KIFBP: variants seen among roughly 807,000 people sequenced by gnomAD.
The protein encoded by KIFBP is KIF-binding protein.
KIFBP carries 46 observed loss-of-function variants against 58.9 expected under a neutral mutation model. The observed-to-expected ratio is 0.78, with a 90% CI of 0.62 to 1.00. The LOEUF is 1.00. Ranked by LOEUF, KIFBP falls within the 50% of genes least tolerant of loss-of-function variation. The probability of loss-of-function intolerance (pLI) is 0.00; values close to 1 mark genes in which losing one functional copy is unlikely to be tolerated. For missense variants in KIFBP, 651 were observed against 752.9 expected, an observed-to-expected ratio of 0.86 and a Z score of 1.58; for synonymous variants, 241 against 283.4, an observed-to-expected ratio of 0.85 and a Z score of 1.50.
intron 2 of KIFBP, among the ~76,000 whole-genome samples, chr10:69,000,783 C>T (rs1843458489): frequency 6.6e-6 from 1 of 152,186 alleles, no homozygotes; most frequent in Non-Finnish European, 1.5e-5. Context: ...TAGTGTTATC[C>T]TAAAATACTA....
chr10:68,991,003 G>C (rs1843338241), intron 1 of KIFBP: 1 of 152,178 alleles, frequency 6.6e-6, no homozygotes. Context: ...GGATGTGGTG[G>C]CTCACACTTG....
At chr10:68,991,391 G>A (rs1404108589) in intron 1 of KIFBP, 2 of 333,172 alleles carry the variant, frequency 6.0e-6, no homozygotes, top group Non-Finnish European at 1.3e-5. Context: ...CAAGTTTCTG[G>A]ATATTGCAAG....
intron 5 of KIFBP, among the ~76,000 whole-genome samples, chr10:69,010,502 A>G (rs769502803): frequency 2.0e-5 from 3 of 152,220 alleles, no homozygotes; most frequent in Non-Finnish European, 2.9e-5. Context: ...ATAGTTTAGC[A>G]CCAGGTTCTC....
At chr10:68,992,648 GTT>G (rs1199655253) in intron 1 of KIFBP, among the ~76,000 whole-genome samples, 2 of 152,134 alleles carry the variant, frequency 1.3e-5, no homozygotes, top group African/African-American at 2.4e-5. Flanking sequence ...TTTGGGGTAA[GTT>G]TATATTTTGT....
chr10:69,003,559 C>G (rs1471756101), intron 2 of KIFBP, among the ~76,000 whole-genome samples: 1 of 152,138 alleles, frequency 6.6e-6, no homozygotes, highest in Non-Finnish European at 1.5e-5. Flanking sequence ...TTAGGTAGTT[C>G]TGTTTTGGAA....
chr10:69,016,364 G>A lies in KIFBP; in HGVS notation c.1814G>A (p.Ser605Asn), dbSNP rs761910393. 6 of 1,614,138 alleles carry A rather than the reference G, an allele frequency of 3.7e-6. No individual in the cohort carries two copies. In the South Asian group the frequency reaches 6.6e-5, roughly 18 times the overall value. The change falls in exon 7 of 7, where the codon AGT (serine) becomes AAT (asparagine). Residue 605 changes from serine to asparagine, a missense_variant. By Grantham distance (46) the Ser-to-Asn change is conservative. Transcript: ENST00000361983. ...CTAGAACTTAGTAAAGAGATGGTTA[G>A]TCTTCTCCCAACAAAAATGGAGAGA... is the stretch of plus-strand genomic sequence containing the variant. Reference protein sequence around the residue: ...VELELSKEMVSLLPTKMERFR... With the variant: ...VELELSKEMVNLLPTKMERFR...
rs1437122309 is a variant in KIFBP, at chr10:69,010,967, G to C, written c.942G>C (p.Trp314Cys). 1 of 1,614,110 alleles carries C rather than the reference G, an allele frequency of 6.2e-7. No individual in the cohort carries two copies. The highest frequency in any genetic ancestry group is 1.3e-5 in the African/African-American group (1 of 75,046). ...GAAAGGGGGAAATAGCAAGGTGCTG[G>C]ATCAAATACTGTTTGACTCTCATGC... ...HQRKGEIARCWIKYCLTLMQN... is the reference protein window; with the variant it reads ...HQRKGEIARCCIKYCLTLMQN... Residue 314 changes from tryptophan (W) to cysteine (C), a missense_variant, in exon 6 of 7, where the codon TGG (tryptophan) becomes TGC (cysteine). Physicochemically the swap from Trp to Cys is radical, Grantham distance 215 (BLOSUM62 -2). Transcript: ENST00000361983.
chr10:69,015,659 T>G lies in KIFBP; in HGVS notation c.1109T>G (p.Leu370Arg). 1 of 1,614,218 alleles carries G rather than the reference T, an allele frequency of 6.2e-7. No individual in the cohort carries two copies. The highest frequency in any genetic ancestry group is 8.5e-7 in the Non-Finnish European group (1 of 1,180,042). The change falls in exon 7 of 7, where the codon CTG becomes CGG. Residue 370 changes from leucine (L) to arginine (R), a missense_variant. Coordinates refer to ENST00000361983, the MANE Select transcript of KIFBP (RefSeq NM_015634.4). ...GCTGTGCAGTTTGGAACCGGTGAACTGTGTGATGCCATCTCTGCAGTAGAA... is the reference window on the plus strand; with the variant it reads ...GCTGTGCAGTTTGGAACCGGTGAACGGTGTGATGCCATCTCTGCAGTAGAA... ...KKAVQFGTGE[L>R]CDAISAVEEK...
At chr10:69,008,782 A>G in intron 4 of KIFBP, 59 bp from the exon 5 acceptor site, 1 of 1,249,362 alleles carries the variant, frequency 8.0e-7, no homozygotes, top group Non-Finnish European at 1.2e-6. Flanking sequence ...TTATGCAAGT[A>G]TCAGTTGCAA....
At chr10:69,013,465 T>G (rs963705351) in intron 6 of KIFBP, among the ~76,000 whole-genome samples, 1 of 151,980 alleles carries the variant, frequency 6.6e-6, no homozygotes, top group African/African-American at 2.4e-5. Flanking sequence ...TAAAGAAAGC[T>G]GGAAAAGGAG....
intron 1 of KIFBP, among the ~76,000 whole-genome samples, chr10:68,992,163 T>G (rs1291102174): frequency 6.6e-6 from 1 of 151,998 alleles, no homozygotes; most frequent in Non-Finnish European, 1.5e-5. Context: ...CCAGCTAATT[T>G]TTGTATTTTT....
intron 3 of KIFBP, 52 bp downstream of exon 3, chr10:69,005,177 T>C (rs1324766131): frequency 1.5e-6 from 2 of 1,306,002 alleles, no homozygotes; most frequent in East Asian, 2.3e-5. Flanking sequence ...TATCATAGAT[T>C]AGTGATTGTT....
intron 1 of KIFBP, among the ~76,000 whole-genome samples, chr10:68,996,577 G>A (rs1034448260): frequency 1.3e-5 from 2 of 149,612 alleles, no homozygotes; most frequent in Non-Finnish European, 3.0e-5. Flanking sequence ...AATAGGCTGG[G>A]CATGGTGGCT....
chr10:69,009,023 C>T, intron 5 of KIFBP, 98 bp downstream of exon 5: 1 of 909,174 alleles, frequency 1.1e-6, no homozygotes, highest in African/African-American at 1.7e-5. Flanking sequence ...GAAGAGCTAT[C>T]ATATGCCCTT....
intron 1 of KIFBP, among the ~76,000 whole-genome samples, chr10:68,992,410 C>T (rs1216554102): frequency 6.6e-6 from 1 of 152,134 alleles, no homozygotes; most frequent in Non-Finnish European, 1.5e-5. Flanking sequence ...TGGTTGTAGG[C>T]ATTTTATAAT....
intron 1 of KIFBP, 78 bp downstream of exon 1, chr10:68,989,336 G>A: frequency 1.3e-6 from 2 of 1,512,632 alleles, no homozygotes; most frequent in Non-Finnish European, 9.0e-7. Flanking sequence ...AAGGCCAAGG[G>A]CAGACGTTGT....
rs775700337 is a variant in KIFBP at position 69,016,351 on chromosome 10, A to G, written c.1801A>G (p.Lys601Glu). 6.2e-7 allele frequency: 1 copy of G among 1,613,782 alleles called. No individual in the cohort carries two copies. Among genetic ancestry groups the G allele is most frequent in the South Asian group, 1.1e-5 (1 of 91,066 alleles). Residue 601 changes from lysine to glutamate, a missense_variant, in exon 7 of 7, where the codon AAA becomes GAA. Coordinates refer to ENST00000361983, the MANE Select transcript of KIFBP (RefSeq NM_015634.4). ...AATAGAAGTTGAGCTAGAACTTAGT[A>G]AAGAGATGGTTAGTCTTCTCCCAAC... ...QEIEVELELS[K>E]EMVSLLPTKM...
chr10:68,997,924 G>T (rs1402577031), intron 1 of KIFBP, among the ~76,000 whole-genome samples: 1 of 151,918 alleles, frequency 6.6e-6, no homozygotes, highest in East Asian at 1.9e-4. Flanking sequence ...CTGTGCCACA[G>T]AAAGCAACAA....
At position 68,988,828 on chromosome 10, in the gene KIFBP, C is replaced by T. The variant is rs1366993876; in HGVS notation, c.-5C>T. 1.9e-6 allele frequency: 3 copies of T among 1,614,138 alleles called. No homozygotes were observed. The highest frequency in any genetic ancestry group is 2.5e-6 in the Non-Finnish European group (3 of 1,180,062). ...ATTGAGGAAAGCCAGGCAGTAGAGG[C>T]CGCTATGGCGAACGTTCCGTGGGCA... On this transcript the variant is annotated 5_prime_UTR_variant, in exon 1 of 7. Coordinates refer to ENST00000361983, the MANE Select transcript of KIFBP (RefSeq NM_015634.4).
Sources: allele counts gnomAD v4.1 joint callset (sites outside exome capture counted in the v4.1 genomes callset), GRCh38; gene constraint gnomAD v4.1.1; transcripts MANE v1.5; gene names NCBI Gene and HGNC (gene_info 2026-07-23, HGNC 2026-07-21).